NF1: variants seen among roughly 807,000 people sequenced by gnomAD.
NF1 encodes neurofibromin.
A neutral mutation model predicts 325.7 loss-of-function variants in NF1; 122 were observed. That is an observed-to-expected ratio of 0.37 (90% CI 0.32 to 0.44). NF1 has a LOEUF of 0.44. Ranked by LOEUF, NF1 falls within the 20% of genes least tolerant of loss-of-function variation. The probability of loss-of-function intolerance (pLI) is 1.00; values close to 1 mark genes in which losing one functional copy is unlikely to be tolerated. For synonymous variants in NF1, 1,091 were observed against 1,186.0 expected (o/e 0.92, Z 1.65); for missense variants, 2,140 against 3,415.4 (o/e 0.63, Z 9.31).
intron 8 of NF1, among the ~76,000 whole-genome samples, chr17:31,198,541 T>A (rs1310571352): frequency 6.6e-6 from 1 of 152,186 alleles, no homozygotes; most frequent in African/African-American, 2.4e-5. Flanking sequence ...ATTGTTGGCA[T>A]ACAGTTTTAC....
intron 50 of NF1, 98 bp from the exon 51 acceptor site, chr17:31,352,159 C>T (rs2070162516): frequency 3.7e-6 from 4 of 1,079,908 alleles, no homozygotes; most frequent in Non-Finnish European, 5.6e-6. Flanking sequence ...TAATTGATTG[C>T]TGTTGTTAGG....
At chr17:31,216,911 T>C (rs909754340) in intron 13 of NF1, among the ~76,000 whole-genome samples, 2 of 152,196 alleles carry the variant, frequency 1.3e-5, no homozygotes, top group African/African-American at 4.8e-5. Flanking sequence ...TAATTCCTAC[T>C]CATTCTAAGC....
intron 48 of NF1, among the ~76,000 whole-genome samples, chr17:31,344,342 A>G (rs1213121096): frequency 1.3e-5 from 2 of 152,192 alleles, no homozygotes; most frequent in Admixed American, 6.5e-5. Context: ...ACTTTGGTTC[A>G]TTAACATGGG....
intron 36 of NF1, among the ~76,000 whole-genome samples, chr17:31,311,725 A>T (rs2068881906): frequency 6.6e-6 from 1 of 152,238 alleles, no homozygotes; most frequent in South Asian, 2.1e-4. Flanking sequence ...GATGTTGGGT[A>T]ACTTGGCAGT....
At chr17:31,130,959 T>A (rs1915332770) in intron 1 of NF1, among the ~76,000 whole-genome samples, 1 of 152,100 alleles carries the variant, frequency 6.6e-6, no homozygotes, top group African/African-American at 2.4e-5. Flanking sequence ...ACCTTGTCAG[T>A]GCAGGAGCTG....
At chr17:31,167,708 G>A (rs1234289206) in intron 4 of NF1, among the ~76,000 whole-genome samples, 1 of 152,132 alleles carries the variant, frequency 6.6e-6, no homozygotes, top group East Asian at 1.9e-4. Flanking sequence ...GTGGTTGTTG[G>A]TGTAAAATGG....
intron 39 of NF1, among the ~76,000 whole-genome samples, chr17:31,333,919 T>G (rs1031927463): frequency 3.9e-5 from 6 of 152,186 alleles, no homozygotes; most frequent in Admixed American, 1.3e-4. Context: ...TTTGTACAAT[T>G]TTTGTCTTAT....
Position 31,200,704 on chromosome 17 carries a change from G to A in NF1, c.1062+109G>A, listed in dbSNP as rs1293836075. 5 of 1,253,128 alleles carry A rather than the reference G, an allele frequency of 4.0e-6. No homozygotes were observed. In the African/African-American group the frequency reaches 4.4e-5, roughly 11 times the overall value. The allele number at this position is 1,253,128 out of a possible 1,614,324, so 77.6% of individuals were successfully genotyped here. A position where few individuals can be genotyped will look rare whatever the true frequency, so the allele number is the denominator to read the frequency against. ...GCTAACATTAAAGTTCTGACTCTTC[G>A]TTGATAAGTTCATAGGACTTGCTTT... is the stretch of plus-strand genomic sequence containing the variant. On this transcript the variant is annotated intron_variant, in intron 9 of 57. Coordinates refer to ENST00000358273, the MANE Select transcript of NF1 (RefSeq NM_001042492.3).
intron 1 of NF1, among the ~76,000 whole-genome samples, chr17:31,128,084 G>A (rs1915038236): frequency 6.6e-6 from 1 of 151,602 alleles, no homozygotes; most frequent in Non-Finnish European, 1.5e-5. Flanking sequence ...TGGGACCACA[G>A]GCGTGTGCCA....
chr17:31,281,813 T>C (rs1338787392), intron 36 of NF1, among the ~76,000 whole-genome samples: 1 of 152,142 alleles, frequency 6.6e-6, no homozygotes, highest in African/African-American at 2.4e-5. Flanking sequence ...CCCTGCACTT[T>C]GGGAGACTGA....
At chr17:31,300,956 T>G (rs2068560605) in intron 36 of NF1, among the ~76,000 whole-genome samples, 1 of 152,166 alleles carries the variant, frequency 6.6e-6, no homozygotes, top group South Asian at 2.1e-4. Context: ...GTAACTGTCT[T>G]TTTAATGTTT....
intron 1 of NF1, among the ~76,000 whole-genome samples, chr17:31,115,250 A>G (rs1913800235): frequency 6.6e-6 from 1 of 152,158 alleles, no homozygotes; most frequent in Non-Finnish European, 1.5e-5. Flanking sequence ...GCATCCTGAA[A>G]TGCACAGGAC....
chr17:31,241,792 A>G (rs546283950), intron 29 of NF1, among the ~76,000 whole-genome samples: 2 of 152,346 alleles, frequency 1.3e-5, no homozygotes, highest in African/African-American at 4.8e-5. Flanking sequence ...TCATACCACA[A>G]TTACAGTGTT....
In NF1 at chr17:31,230,231, A is replaced by AT. The variant is rs758421471; in HGVS notation, c.2991-22dup. The AT allele has an allele frequency of 2.5e-6, 4 of 1,610,146 alleles. No individual in the cohort carries two copies. The South Asian group carries it at 4.4e-5, about 18-fold the overall frequency. On this transcript the variant is annotated intron_variant, in intron 22 of 57. Transcript: ENST00000358273. The stretch of plus-strand genomic sequence containing the variant: ...CCTTCTCTTTTGTCTATATCTGATA[A>AT]TTTTTTTATTGTTTCTATGTCTATA...
intron 1 of NF1, among the ~76,000 whole-genome samples, chr17:31,126,665 T>A (rs919072274): frequency 6.6e-6 from 1 of 152,078 alleles, no homozygotes; most frequent in Non-Finnish European, 1.5e-5. Flanking sequence ...TGGTCTTGAA[T>A]TCGTGAGCTC....
intron 48 of NF1, among the ~76,000 whole-genome samples, chr17:31,344,406 G>A (rs1379003464): frequency 6.6e-6 from 1 of 152,242 alleles, no homozygotes; most frequent in African/African-American, 2.4e-5. Flanking sequence ...TGGTGGGTCA[G>A]AAGCAAAGCA....
In NF1 at chr17:31,325,929, G is replaced by A. The variant is rs770124316; in HGVS notation, c.4945G>A (p.Gly1649Arg). Residue 1649 changes from glycine to arginine, a missense_variant, in exon 37 of 58, where the codon GGG becomes AGG. Gly to Arg is a moderately radical substitution (Grantham distance 125). Coordinates refer to ENST00000358273, the MANE Select transcript of NF1 (RefSeq NM_001042492.3). Reference sequence around the variant, plus strand: ...AATTGTAGTGGACCTTACCCATACCGGGCCTAGCAATCGCTTTAAAACAGA... The same window carrying A: ...AATTGTAGTGGACCTTACCCATACCAGGCCTAGCAATCGCTTTAAAACAGA... ...YEIVVDLTHTGPSNRFKTDFL... is the reference protein window; with the variant it reads ...YEIVVDLTHTRPSNRFKTDFL... 4.3e-6 allele frequency: 7 copies of A among 1,613,954 alleles called. No homozygotes were observed. The highest frequency in any genetic ancestry group is 3.4e-6 in the Non-Finnish European group (4 of 1,180,010).
rs561391820 is a variant in NF1, at chr17:31,099,029, CA to C, written c.60+3661del. Among the ~76,000 whole-genome samples the C allele has an allele frequency of 6.4e-4, 97 of 152,102 alleles. 1 individual carries two copies. The highest frequency in any genetic ancestry group is 2.1e-3 in the African/African-American group (89 of 41,482). ...TATCTGTACTTTGCTTTACTGGGCCCAGGGGGAGTTAAGCTTTCCTTCTTAT... is the reference window on the plus strand; with the variant it reads ...TATCTGTACTTTGCTTTACTGGGCCCGGGGGAGTTAAGCTTTCCTTCTTAT... On this transcript the variant is annotated intron_variant, in intron 1 of 57. Coordinates refer to ENST00000358273, the MANE Select transcript of NF1 (RefSeq NM_001042492.3).
chr17:31,340,650 G>C lies in NF1; in HGVS notation c.7062+5G>C, dbSNP rs2151562075. On this transcript the variant is annotated splice_donor_5th_base_variant and intron_variant, in intron 47 of 57. Coordinates refer to ENST00000358273, the MANE Select transcript of NF1 (RefSeq NM_001042492.3). ...CTCCGTATATTCAATGACAAGGTAA[G>C]CAAACTTTGCCTTGAGGTTCCTAGA... The C allele has an allele frequency of 6.2e-7, 1 of 1,613,944 alleles. No homozygotes were observed. Among genetic ancestry groups the C allele is most frequent in the Non-Finnish European group, 8.5e-7 (1 of 1,179,944 alleles).
Sources: gnomAD v4.1 joint callset for allele counts (sites outside exome capture counted in the v4.1 genomes callset) on GRCh38, gnomAD v4.1.1 for gene constraint, MANE v1.5 for transcripts, NCBI Gene and HGNC (gene_info 2026-07-23, HGNC 2026-07-21) for gene names.